Variants in NKAIN3 observed in about 807,000 individuals in gnomAD.
NKAIN3 encodes the protein sodium/potassium-transporting ATPase subunit beta-1-interacting protein 3.
Under a neutral mutation model 30.2 loss-of-function variants are expected in NKAIN3, and 25 were observed. That is an observed-to-expected ratio of 0.83 (90% confidence interval 0.60 to 1.16). NKAIN3 has a LOEUF of 1.16. NKAIN3 is among the 50% of genes most tolerant of loss of function. NKAIN3 has a pLI of 0.00. For synonymous variants in NKAIN3, 91 were observed against 89.6 expected (o/e 1.02, Z -0.09); for missense variants, 225 against 254.1 (o/e 0.89, Z 0.78).
At chr8:62,485,669 G>C (rs763530624) in intron 1 of NKAIN3, among the ~76,000 whole-genome samples, 9 of 152,188 alleles carry the variant, frequency 5.9e-5, no homozygotes, top group Non-Finnish European at 1.2e-4. Context: ...GCTGAGGACG[G>C]GGTGAAGGGA....
At chr8:62,654,391 C>T (rs1812707765) in intron 3 of NKAIN3, among the ~76,000 whole-genome samples, 1 of 152,014 alleles carries the variant, frequency 6.6e-6, no homozygotes, top group Non-Finnish European at 1.5e-5. Flanking sequence ...ATTCAAGAAA[C>T]TCTCCTAAGA....
intron 3 of NKAIN3, among the ~76,000 whole-genome samples, chr8:62,734,244 C>T (rs1190842123): frequency 6.6e-6 from 1 of 152,188 alleles, no homozygotes; most frequent in African/African-American, 2.4e-5. Context: ...GACTGAGCCT[C>T]TGCACTCCAG....
At chr8:62,611,728 T>C (rs1009896469) in intron 3 of NKAIN3, among the ~76,000 whole-genome samples, 3 of 152,158 alleles carry the variant, frequency 2.0e-5, no homozygotes, top group African/African-American at 7.2e-5. Context: ...TTCCCACTTT[T>C]AAACAGTGGG....
intron 5 of NKAIN3, among the ~76,000 whole-genome samples, chr8:62,922,403 G>GA (rs34998976): frequency 1.4e-4 from 21 of 150,278 alleles, no homozygotes; most frequent in African/African-American, 3.9e-4. Context: ...AATGTGGTAG[G>GA]AAAAAAAAAG....
At chr8:62,285,685 T>A (rs1487458580) in intron 1 of NKAIN3, among the ~76,000 whole-genome samples, 1 of 152,150 alleles carries the variant, frequency 6.6e-6, no homozygotes, top group Non-Finnish European at 1.5e-5. Flanking sequence ...GGATGAAGCC[T>A]GATGCCCAAG....
At chr8:62,660,650 C>A (rs887688510) in intron 3 of NKAIN3, among the ~76,000 whole-genome samples, 2 of 152,114 alleles carry the variant, frequency 1.3e-5, no homozygotes, top group Admixed American at 1.3e-4. Context: ...TCTTGATTCA[C>A]AAAGAAAAGA....
intron 4 of NKAIN3, among the ~76,000 whole-genome samples, chr8:62,776,874 T>C (rs1039009317): frequency 1.3e-5 from 2 of 152,178 alleles, no homozygotes; most frequent in Non-Finnish European, 2.9e-5. Context: ...CCCTGTAGCA[T>C]TTCTTGTCAA....
chr8:62,770,136 C>A (rs763762803), intron 4 of NKAIN3, among the ~76,000 whole-genome samples: 1 of 152,158 alleles, frequency 6.6e-6, no homozygotes, highest in African/African-American at 2.4e-5. Flanking sequence ...CTAGGAGGAG[C>A]CTGCACATCT....
At chr8:62,456,746 A>C (rs1279813591) in intron 1 of NKAIN3, among the ~76,000 whole-genome samples, 4 of 152,196 alleles carry the variant, frequency 2.6e-5, no homozygotes, top group African/African-American at 7.2e-5. Context: ...CTTAGTATGA[A>C]TATTTCGCAC....
chr8:62,898,272 A>T (rs1821497518), intron 4 of NKAIN3, among the ~76,000 whole-genome samples: 1 of 152,208 alleles, frequency 6.6e-6, no homozygotes, highest in Non-Finnish European at 1.5e-5. Flanking sequence ...GCATATTTTT[A>T]TCACAGCATA....
At chr8:62,788,437 C>G (rs1817594255) in intron 4 of NKAIN3, among the ~76,000 whole-genome samples, 1 of 152,076 alleles carries the variant, frequency 6.6e-6, no homozygotes, top group South Asian at 2.1e-4. Context: ...GATATTAGCC[C>G]TTTGTCAGAT....
chr8:62,522,179 G>A (rs1200560818), intron 1 of NKAIN3, among the ~76,000 whole-genome samples: 2 of 152,014 alleles, frequency 1.3e-5, no homozygotes, highest in Non-Finnish European at 2.9e-5. Context: ...TTTGGTCAAC[G>A]GCAGGCCACA....
chr8:62,648,682 T>G (rs1812538851), intron 3 of NKAIN3, among the ~76,000 whole-genome samples: 1 of 152,200 alleles, frequency 6.6e-6, no homozygotes, highest in South Asian at 2.1e-4. Flanking sequence ...ACAGTTTGTC[T>G]TCCAGCCTCT....
intron 1 of NKAIN3, among the ~76,000 whole-genome samples, chr8:62,492,909 A>G (rs1563423778): frequency 6.6e-6 from 1 of 152,084 alleles, no homozygotes; most frequent in Non-Finnish European, 1.5e-5. Context: ...TTTCTCTGCA[A>G]TTTGTTTGAG....
At chr8:62,495,774 G>GGAT (rs1242917000) in intron 1 of NKAIN3, among the ~76,000 whole-genome samples, 7 of 152,050 alleles carry the variant, frequency 4.6e-5, no homozygotes, top group Non-Finnish European at 1.0e-4. Flanking sequence ...TTTCTGAACT[G>GGAT]AGTCCTAACT....
At chr8:62,958,078 TC>T (rs1394412407) in intron 6 of NKAIN3, among the ~76,000 whole-genome samples, 1 of 152,106 alleles carries the variant, frequency 6.6e-6, no homozygotes, top group Non-Finnish European at 1.5e-5. Flanking sequence ...AAAACGGGTA[TC>T]CCCAGCATGG....
intron 1 of NKAIN3, among the ~76,000 whole-genome samples, chr8:62,379,236 T>C (rs1019179894): frequency 6.6e-6 from 1 of 152,216 alleles, no homozygotes; most frequent in African/African-American, 2.4e-5. Context: ...CCCGATTGTA[T>C]CTAGGAAGTT....
At chr8:62,753,861 T>C (rs1239576121) in intron 4 of NKAIN3, among the ~76,000 whole-genome samples, 2 of 152,096 alleles carry the variant, frequency 1.3e-5, no homozygotes, top group Non-Finnish European at 2.9e-5. Context: ...TATGTATAAA[T>C]ATATGCAATT....
intron 3 of NKAIN3, among the ~76,000 whole-genome samples, chr8:62,730,106 C>T (rs1007789446): frequency 1.3e-5 from 2 of 152,156 alleles, no homozygotes; most frequent in African/African-American, 4.8e-5. Context: ...CGACTTTGTA[C>T]TTTATTGATC....
Sources: gnomAD v4.1 joint callset for allele counts (sites outside exome capture counted in the v4.1 genomes callset) on GRCh38, gnomAD v4.1.1 for gene constraint, MANE v1.5 for transcripts, NCBI Gene and HGNC (gene_info 2026-07-23, HGNC 2026-07-21) for gene names.